The following SDK1 variants were observed in gnomAD, a reference collection of about 807,000 sequenced individuals.
SDK1 encodes protein sidekick-1.
In SDK1, 157 loss-of-function variants were observed where a neutral mutation model predicts 245.5. That is an observed-to-expected ratio of 0.64 (90% CI 0.56 to 0.73). The LOEUF is 0.73. Among genes scored for constraint, SDK1 ranks in the 30% least tolerant of loss-of-function variants. The probability of loss-of-function intolerance (pLI) is 0.00; values close to 1 mark genes in which losing one functional copy is unlikely to be tolerated. For synonymous variants in SDK1, 1,647 were observed against 1,278.5 expected (o/e 1.29, Z -6.15); for missense variants, 3,583 against 3,002.3 (o/e 1.19, Z -4.52).
intron 38 of SDK1, 82 bp downstream of exon 38, chr7:4,210,244 G>C: frequency 7.7e-7 from 1 of 1,291,542 alleles, no homozygotes; most frequent in Non-Finnish European, 1.0e-6. Context: ...AGCCGCACCT[G>C]ACCGCTTCTG....
At chr7:3,539,175 G>T (rs1778982570) in intron 1 of SDK1, among the ~76,000 whole-genome samples, 1 of 152,142 alleles carries the variant, frequency 6.6e-6, no homozygotes, top group African/African-American at 2.4e-5. Context: ...CCCAAGTTAG[G>T]GGCTGTGGGG....
chr7:3,409,517 C>T (rs933567221), intron 1 of SDK1, among the ~76,000 whole-genome samples: 32 of 152,200 alleles, frequency 2.1e-4, no homozygotes, highest in Admixed American at 3.3e-4. Flanking sequence ...CAAATTACAC[C>T]GTTTTTCCGC....
At chr7:3,712,887 C>T (rs922058415) in intron 4 of SDK1, among the ~76,000 whole-genome samples, 2 of 152,212 alleles carry the variant, frequency 1.3e-5, no homozygotes, top group African/African-American at 4.8e-5. Flanking sequence ...ACCCCTTGGA[C>T]CTTCAGTGGT....
chr7:4,081,285 C>T (rs1191715434), intron 22 of SDK1, among the ~76,000 whole-genome samples: 1 of 152,136 alleles, frequency 6.6e-6, no homozygotes, highest in African/African-American at 2.4e-5. Flanking sequence ...GGCAACGTGG[C>T]CCTGTGTCAC....
At chr7:3,769,219 G>C (rs776119630) in intron 4 of SDK1, among the ~76,000 whole-genome samples, 1 of 152,182 alleles carries the variant, frequency 6.6e-6, no homozygotes, top group Admixed American at 6.5e-5. Context: ...ACCTGAAGCT[G>C]GGTAATGTAT....
At chr7:3,470,278 A>G (rs936819605) in intron 1 of SDK1, among the ~76,000 whole-genome samples, 1 of 152,138 alleles carries the variant, frequency 6.6e-6, no homozygotes, top group Admixed American at 6.5e-5. Flanking sequence ...GGTTCATACT[A>G]TTTACTAGGA....
At chr7:3,884,107 G>T (rs1044794677) in intron 5 of SDK1, among the ~76,000 whole-genome samples, 2 of 148,864 alleles carry the variant, frequency 1.3e-5, no homozygotes, top group Non-Finnish European at 3.0e-5. Context: ...TTGAGACAGG[G>T]TCTCGCTGTG....
intron 5 of SDK1, among the ~76,000 whole-genome samples, chr7:3,871,313 T>C (rs1217730077): frequency 6.6e-6 from 1 of 152,236 alleles, no homozygotes; most frequent in Non-Finnish European, 1.5e-5. Flanking sequence ...AGAAGATTTT[T>C]TCACAGATTC....
intron 1 of SDK1, among the ~76,000 whole-genome samples, chr7:3,391,468 A>ATT (rs146415900): frequency 2.1e-4 from 31 of 149,734 alleles, no homozygotes; most frequent in African/African-American, 7.1e-4. Context: ...TTTGGAAGTG[A>ATT]TTTTTTTTTT....
chr7:3,463,568 G>C (rs1407631979), intron 1 of SDK1, among the ~76,000 whole-genome samples: 1 of 152,180 alleles, frequency 6.6e-6, no homozygotes, highest in African/African-American at 2.4e-5. Context: ...GGATCATTTA[G>C]CCATGGGATC....
chr7:3,368,162 A>G (rs1781137788), intron 1 of SDK1, among the ~76,000 whole-genome samples: 1 of 152,232 alleles, frequency 6.6e-6, no homozygotes, highest in South Asian at 2.1e-4. Context: ...GAATAAGGAA[A>G]TCTGAAACCA....
At chr7:3,628,616 C>G (rs1782191123) in intron 2 of SDK1, among the ~76,000 whole-genome samples, 2 of 152,278 alleles carry the variant, frequency 1.3e-5, no homozygotes, top group Admixed American at 1.3e-4. Flanking sequence ...GAAAGGGCAG[C>G]TTCTAGAACT....
At chr7:4,098,178 G>A (rs761221505) in intron 22 of SDK1, among the ~76,000 whole-genome samples, 6 of 152,146 alleles carry the variant, frequency 3.9e-5, no homozygotes, top group African/African-American at 7.2e-5. Flanking sequence ...TGTCAGATCC[G>A]TTGAGGTCCT....
chr7:3,507,176 A>G lies in SDK1; in HGVS notation c.299-111904A>G, dbSNP rs563953491. Reference sequence around the variant, plus strand: ...TTCCAGTGGGACTCTAATGTCTTCAACACTGTGTGTACTTCAGCATTTACC... The same window carrying G: ...TTCCAGTGGGACTCTAATGTCTTCAGCACTGTGTGTACTTCAGCATTTACC... On this transcript the variant is annotated intron_variant, in intron 1 of 44. Coordinates refer to ENST00000404826, the MANE Select transcript of SDK1 (RefSeq NM_152744.4). Among the ~76,000 whole-genome samples the G allele has an allele frequency of 3.9e-5, 6 of 152,284 alleles. No individual in the cohort carries two copies. In the East Asian group the frequency reaches 7.7e-4, roughly 20 times the overall value.
chr7:3,580,990 AAAAAC>A (rs1562578345), intron 1 of SDK1, among the ~76,000 whole-genome samples: 1 of 138,090 alleles, frequency 7.2e-6, no homozygotes, highest in African/African-American at 2.7e-5. Flanking sequence ...AAAAAAAAAA[AAAAAC>A]CAAAACAAAA....
intron 30 of SDK1, among the ~76,000 whole-genome samples, chr7:4,155,617 G>A (rs79602134): frequency 0.027 from 4,116 of 152,240 alleles, 122 homozygotes; most frequent in African/African-American, 0.075. Context: ...AAGCATAATC[G>A]CAAATAAATA....
rs1035815473 is a variant in SDK1 at position 3,685,159 on chromosome 7, A to G, written c.713+43054A>G. On this transcript the variant is annotated intron_variant, in intron 4 of 44. Coordinates refer to ENST00000404826, the MANE Select transcript of SDK1 (RefSeq NM_152744.4). ...AGCTGAGTGAACCTCAAATAGGATA[A>G]ATGCAAATAAATTTATACCAAGACA... is the stretch of plus-strand genomic sequence containing the variant. Among the ~76,000 whole-genome samples, 3 of 152,298 alleles carry G rather than the reference A, an allele frequency of 2.0e-5. No homozygotes were observed. In the East Asian group the frequency reaches 5.8e-4, roughly 29 times the overall value.
chr7:3,657,387 G>A (rs1418215585), intron 4 of SDK1, among the ~76,000 whole-genome samples: 2 of 152,134 alleles, frequency 1.3e-5, no homozygotes, highest in African/African-American at 4.8e-5. Context: ...ATTCCCGGGT[G>A]GGGCACAGCA....
At chr7:3,393,806 G>A (rs1054987705) in intron 1 of SDK1, among the ~76,000 whole-genome samples, 1 of 152,080 alleles carries the variant, frequency 6.6e-6, no homozygotes, top group African/African-American at 2.4e-5. Context: ...TTCTTGAAAG[G>A]TCATGTATAT....
Sources: gnomAD v4.1 joint callset for allele counts (sites outside exome capture counted in the v4.1 genomes callset) on GRCh38, gnomAD v4.1.1 for gene constraint, MANE v1.5 for transcripts, NCBI Gene and HGNC (gene_info 2026-07-23, HGNC 2026-07-21) for gene names.